The following DIPK2A variants were observed in gnomAD, a reference collection of about 807,000 sequenced individuals.
DIPK2A encodes divergent protein kinase domain 2A.
Under a neutral mutation model 39.0 loss-of-function variants are expected in DIPK2A, and 27 were observed. That is an observed-to-expected ratio of 0.69 (90% CI 0.51 to 0.96). The LOEUF is 0.96. Among genes scored for constraint, DIPK2A ranks in the 40% least tolerant of loss-of-function variants. DIPK2A has a pLI of 0.00. For missense variants in DIPK2A, 528 were observed against 571.3 expected, an observed-to-expected ratio of 0.92 and a Z score of 0.77; for synonymous variants, 298 against 240.8, an observed-to-expected ratio of 1.24 and a Z score of -2.20.
chr3:143,975,646 A>ATACT (rs77089369), intron 1 of DIPK2A, among the ~76,000 whole-genome samples: 71,961 of 151,540 alleles, frequency 0.47, 19,309 homozygotes, highest in African/African-American at 0.75. Flanking sequence ...ATATTAATTG[A>ATACT]TACAGAAAAA....
chr3:143,972,437 G>T lies in DIPK2A; in HGVS notation c.105G>T (p.Leu35=), dbSNP rs2087665152. ...LVLMVLHSPS[L]LASWQRNELT... ...TGATGGTGCTGCACTCGCCGTCGCT[G>T]CTCGCCTCTTGGCAGCGCAACGAAC... is the stretch of plus-strand genomic sequence containing the variant. Residue 35 remains leucine (L), a synonymous_variant, in exon 1 of 3, where the codon CTG becomes CTT. Coordinates refer to ENST00000315691, the MANE Select transcript of DIPK2A (RefSeq NM_173552.5). The T allele has an allele frequency of 1.9e-6, 3 of 1,584,288 alleles. No homozygotes were observed. The highest frequency in any genetic ancestry group is 2.6e-6 in the Non-Finnish European group (3 of 1,163,714).
chr3:143,982,618 A>G (rs2087842134), intron 1 of DIPK2A, among the ~76,000 whole-genome samples: 1 of 152,192 alleles, frequency 6.6e-6, no homozygotes, highest in African/African-American at 2.4e-5. Flanking sequence ...ATGGAAAGGA[A>G]AAAACAGTAC....
chr3:143,978,609 T>TAG (rs2087766679), intron 1 of DIPK2A: 1 of 35,316 alleles, frequency 2.8e-5, no homozygotes, highest in African/African-American at 5.2e-4. Flanking sequence ...TATCTATATA[T>TAG]ATATATCTAT....
intron 2 of DIPK2A, chr3:143,986,123 C>G (rs2087896470): frequency 2.9e-6 from 1 of 345,206 alleles, no homozygotes. Flanking sequence ...CTTAGACATA[C>G]TCAGAACACT....
Position 143,989,865 on chromosome 3 carries a change from T to C in DIPK2A, c.*24T>C. 1.3e-6 allele frequency: 2 copies of C among 1,580,312 alleles called. No individual in the cohort carries two copies. The highest frequency in any genetic ancestry group is 1.7e-6 in the Non-Finnish European group (2 of 1,155,854). On this transcript the variant is annotated 3_prime_UTR_variant, in exon 3 of 3. Transcript: ENST00000315691. The stretch of plus-strand genomic sequence containing the variant: ...AGTCTATGGTGAACTTTTCTTTTTT[T>C]CTCCATTTAAACAGCACTGGCTAAA...
rs900062656 is a variant in DIPK2A, at chr3:143,987,245, T to A, written c.961+1399T>A. On this transcript the variant is annotated intron_variant, in intron 2 of 2. Coordinates refer to ENST00000315691, the MANE Select transcript of DIPK2A (RefSeq NM_173552.5). ...GGTGGTTTTTAGTATATTCATAGAG[T>A]TGTGCAATTTTCCTAAGCTTAAAAA... Among the ~76,000 whole-genome samples, 4 of 152,314 alleles carry A rather than the reference T, an allele frequency of 2.6e-5. No homozygotes were observed. In the East Asian group the frequency reaches 5.8e-4, roughly 22 times the overall value.
In DIPK2A at chr3:143,972,366, C is replaced by T; in HGVS notation, c.34C>T (p.Leu12=). ...WRLVPPKLGR[L]SRSLKLAALG... Reference sequence around the variant, plus strand: ...CCTGGTGCCCCCGAAGCTGGGCCGCCTGTCCCGCTCGCTGAAGCTGGCGGC... The same window carrying T: ...CCTGGTGCCCCCGAAGCTGGGCCGCTTGTCCCGCTCGCTGAAGCTGGCGGC... Residue 12 remains leucine, a synonymous_variant, in exon 1 of 3, where the codon CTG becomes TTG. Transcript: ENST00000315691. 7.1e-7 allele frequency: 1 copy of T among 1,401,620 alleles called. No individual in the cohort carries two copies. Among genetic ancestry groups the T allele is most frequent in the Non-Finnish European group, 9.3e-7 (1 of 1,078,688 alleles). 86.8% of individuals were successfully genotyped at this position (1,401,620 alleles called of 1,614,324 possible). A position where few individuals can be genotyped will look rare whatever the true frequency, so the allele number is the denominator to read the frequency against.
Position 143,972,498 on chromosome 3 carries a change from C to G in DIPK2A, c.166C>G (p.Pro56Ala). 1 of 1,610,196 alleles carries G rather than the reference C, an allele frequency of 6.2e-7. No homozygotes were observed. The highest frequency in any genetic ancestry group is 2.2e-5 in the East Asian group (1 of 44,786). The change falls in exon 1 of 3, where the codon CCG (proline) becomes GCG (alanine). Residue 56 changes from proline (P) to alanine (A), a missense_variant. Pro to Ala is a conservative substitution (Grantham distance 27). Transcript: ENST00000315691. ...DRRFLQLNKC[P>A]ACFGTSWCRR... ...GCGCTTCCTGCAGCTCAATAAGTGC[C>G]CGGCGTGCTTCGGCACGAGCTGGTG...
At chr3:143,988,548 C>G (rs1234968181) in intron 2 of DIPK2A, among the ~76,000 whole-genome samples, 1 of 152,068 alleles carries the variant, frequency 6.6e-6, no homozygotes, top group East Asian at 1.9e-4. Flanking sequence ...AATGTCTCTT[C>G]CTTCTTCCCT....
At chr3:143,975,458 T>C (rs2087715135) in intron 1 of DIPK2A, among the ~76,000 whole-genome samples, 1 of 152,136 alleles carries the variant, frequency 6.6e-6, no homozygotes, top group Admixed American at 6.5e-5. Flanking sequence ...TGAGGTTTGA[T>C]GATTGTATAA....
In DIPK2A at chr3:143,972,524, C is replaced by T. The variant is rs775323055; in HGVS notation, c.192C>T (p.Cys64=). ...KCPACFGTSW[C]RRFLNGQVVF... is the part of the protein sequence containing the mutation. ...CGGCGTGCTTCGGCACGAGCTGGTG[C>T]CGCCGCTTCCTCAACGGGCAGGTGG... The change falls in exon 1 of 3, where the codon TGC becomes TGT. Residue 64 remains cysteine (C), a synonymous_variant. Coordinates refer to ENST00000315691, the MANE Select transcript of DIPK2A (RefSeq NM_173552.5). 2 of 1,611,782 alleles carry T rather than the reference C, an allele frequency of 1.2e-6. No individual in the cohort carries two copies. Among genetic ancestry groups the T allele is most frequent in the East Asian group, 4.5e-5 (2 of 44,874 alleles).
At chr3:143,989,473 A>C in intron 2 of DIPK2A, 37 bp from the exon 3 acceptor site, 1 of 1,447,598 alleles carries the variant, frequency 6.9e-7, no homozygotes, top group South Asian at 1.3e-5. Flanking sequence ...ACTATTTAAA[A>C]AATTTTTTTC....
At position 143,972,848 on chromosome 3, in the gene DIPK2A, G is replaced by C; in HGVS notation, c.516G>C (p.Ser172=). 3 of 1,568,200 alleles carry C rather than the reference G, an allele frequency of 1.9e-6. No homozygotes were observed. The highest frequency in any genetic ancestry group is 2.6e-6 in the Non-Finnish European group (3 of 1,159,742). The change falls in exon 1 of 3, where the codon TCG becomes TCC. Residue 172 remains serine (S), a synonymous_variant. Transcript: ENST00000315691. Reference sequence around the variant, plus strand: ...GGTCGGACCTGGTGCACTGCCCCTCGCAGCGCCTTCTCGACCGCCTGGTGC... The same window carrying C: ...GGTCGGACCTGGTGCACTGCCCCTCCCAGCGCCTTCTCGACCGCCTGGTGC... ...EGWSDLVHCP[S]QRLLDRLVRR...
intron 2 of DIPK2A, among the ~76,000 whole-genome samples, chr3:143,988,972 C>T (rs2087944604): frequency 6.6e-6 from 1 of 152,164 alleles, no homozygotes; most frequent in Admixed American, 6.5e-5. Context: ...ACCTATTTTT[C>T]TAGCGTCACC....
chr3:143,985,587 A>G lies in DIPK2A; in HGVS notation c.702A>G (p.Gly234=). 6.2e-7 allele frequency: 1 copy of G among 1,614,136 alleles called. No individual in the cohort carries two copies. The highest frequency in any genetic ancestry group is 1.1e-5 in the South Asian group (1 of 91,082). Residue 234 remains glycine (G), a synonymous_variant, in exon 2 of 3, where the codon GGA becomes GGG. Coordinates refer to ENST00000315691, the MANE Select transcript of DIPK2A (RefSeq NM_173552.5). ...DEGWPFAKYL[G]ACGRMVAVNY... ...GTTGGCCATTTGCAAAGTATCTTGG[A>G]GCTTGTGGAAGAATGGTGGCTGTAA...
chr3:143,973,087 G>A (rs1211262584), intron 1 of DIPK2A, 98 bp downstream of exon 1: 9 of 1,439,814 alleles, frequency 6.3e-6, no homozygotes, highest in Non-Finnish European at 8.4e-6. Context: ...CGCCAGTTCG[G>A]ACTCGGCCGG....
At chr3:143,979,415 A>G (rs890289700) in intron 1 of DIPK2A, among the ~76,000 whole-genome samples, 3 of 152,224 alleles carry the variant, frequency 2.0e-5, no homozygotes, top group African/African-American at 7.2e-5. Flanking sequence ...AGTACAAAAA[A>G]ACAGGTTAAG....
intron 1 of DIPK2A, chr3:143,973,663 C>A: frequency 1.2e-6 from 1 of 837,742 alleles, no homozygotes; most frequent in Non-Finnish European, 2.0e-6. Context: ...TAAGGCCAGA[C>A]AGACGTTTTC....
In DIPK2A at chr3:143,972,513, A is replaced by G. The variant is rs759544154; in HGVS notation, c.181A>G (p.Thr61Ala). The part of the protein sequence containing the change: ...QLNKCPACFG[T>A]SWCRRFLNGQ... ...CAATAAGTGCCCGGCGTGCTTCGGC[A>G]CGAGCTGGTGCCGCCGCTTCCTCAA... The change falls in exon 1 of 3, where the codon ACG (threonine) becomes GCG (alanine). Residue 61 changes from threonine (T) to alanine (A), a missense_variant. This residue lies in a region of DIPK2A where 309 missense variants were observed against 289.8 expected (regional missense o/e 1.07). Coordinates refer to ENST00000315691, the MANE Select transcript of DIPK2A (RefSeq NM_173552.5). 6.8e-6 allele frequency: 11 copies of G among 1,611,106 alleles called. No individual in the cohort carries two copies. The highest frequency in any genetic ancestry group is 1.3e-5 in the African/African-American group (1 of 74,840).
Sources: allele counts gnomAD v4.1 joint callset (sites outside exome capture counted in the v4.1 genomes callset), GRCh38; gene constraint gnomAD v4.1.1; regional missense constraint gnomAD v4.1.1; transcripts MANE v1.5; gene names NCBI Gene and HGNC (gene_info 2026-07-23, HGNC 2026-07-21).